Variants in RBL2 observed in about 807,000 individuals in gnomAD.
RBL2 encodes the protein RB transcriptional corepressor like 2.
RBL2 carries 56 observed loss-of-function variants against 126.0 expected under a neutral mutation model. The ratio of observed to expected loss-of-function variants is 0.44; its 90% CI spans 0.36 to 0.56. RBL2 has a LOEUF of 0.56. RBL2 is among the 20% of genes least tolerant of loss of function. RBL2 has a pLI of 0.00. For synonymous variants in RBL2, 454 were observed against 478.5 expected (o/e 0.95, Z 0.67); for missense variants, 1,229 against 1,398.2 (o/e 0.88, Z 1.93).
At chr16:53,477,566 G>A (rs1011129484) in intron 17 of RBL2, among the ~76,000 whole-genome samples, 17 of 152,072 alleles carry the variant, frequency 1.1e-4, no homozygotes, top group South Asian at 2.1e-4. Context: ...GGCTGGTGTC[G>A]AACTCCTGGC....
intron 17 of RBL2, among the ~76,000 whole-genome samples, chr16:53,471,386 T>C (rs2058321789): frequency 6.6e-6 from 1 of 152,210 alleles, no homozygotes; most frequent in Non-Finnish European, 1.5e-5. Flanking sequence ...TTTTAGTTTC[T>C]CCACTATCTC....
rs1961381156 is a variant in RBL2 at position 53,490,596 on chromosome 16, T to C, written c.*296T>C. 2 of 263,552 alleles carry C rather than the reference T, an allele frequency of 7.6e-6. No individual in the cohort carries two copies. Among genetic ancestry groups the C allele is most frequent in the Non-Finnish European group, 1.4e-5 (2 of 140,902 alleles). The allele number at this position is 263,552 out of a possible 1,614,324, so 16.3% of individuals were successfully genotyped here. A position where few individuals can be genotyped will look rare whatever the true frequency, so the allele number is the denominator to read the frequency against. ...TTTTAGAAATACTGCAAGAAAATGATGTGTACCCAAACGTGAGCATAGGAG... is the reference window on the plus strand; with the variant it reads ...TTTTAGAAATACTGCAAGAAAATGACGTGTACCCAAACGTGAGCATAGGAG... On this transcript the variant is annotated 3_prime_UTR_variant, in exon 22 of 22. Transcript: ENST00000262133.
At chr16:53,481,122 GCAC>G in intron 20 of RBL2, 4 of 189,670 alleles carry the variant, frequency 2.1e-5, no homozygotes, top group Non-Finnish European at 4.4e-5. Context: ...TTGTGCCACT[GCAC>G]TCCAGCTTGG....
chr16:53,470,622 A>G lies in RBL2; in HGVS notation c.2485A>G (p.Arg829Gly). ...QGQSVTSSSN[R>G]PRKTSSLSLF... Reference sequence around the variant, plus strand: ...CCAGTCTGTAACCAGCAGTAGTAATAGACCCAGGAAGACCAGCTCTTTATC... The same window carrying G: ...CCAGTCTGTAACCAGCAGTAGTAATGGACCCAGGAAGACCAGCTCTTTATC... Residue 829 changes from arginine (R) to glycine (G), a missense_variant, in exon 16 of 22, where the codon AGA becomes GGA. By Grantham distance (125) the Arg-to-Gly change is moderately radical. Around this residue, in one of 2 missense-constraint regions of RBL2, gnomAD observed 1,070 missense variants for 1,274.3 expected, o/e 0.84. Coordinates refer to ENST00000262133, the MANE Select transcript of RBL2 (RefSeq NM_005611.4). 1.2e-6 allele frequency: 2 copies of G among 1,614,236 alleles called. No individual in the cohort carries two copies. Among genetic ancestry groups the G allele is most frequent in the Non-Finnish European group, 1.7e-6 (2 of 1,180,028 alleles).
Position 53,461,856 on chromosome 16 carries a change from G to A in RBL2, c.1456+6G>A. Reference sequence around the variant, plus strand: ...TTTCAGTAATTGTGCTAAAGGTAAGGTTTAACATTGTTATTCTGCTTTTAT... The same window carrying A: ...TTTCAGTAATTGTGCTAAAGGTAAGATTTAACATTGTTATTCTGCTTTTAT... On this transcript the variant is annotated splice_donor_region_variant and intron_variant, in intron 10 of 21. Transcript: ENST00000262133. 6.3e-7 allele frequency: 1 copy of A among 1,589,280 alleles called. No individual in the cohort carries two copies. The highest frequency in any genetic ancestry group is 8.6e-7 in the Non-Finnish European group (1 of 1,158,188).
At chr16:53,437,270 C>T (rs2057967694) in intron 1 of RBL2, among the ~76,000 whole-genome samples, 1 of 150,956 alleles carries the variant, frequency 6.6e-6, no homozygotes, top group Non-Finnish European at 1.5e-5. Context: ...ATTATGAAAC[C>T]ATCTCCCAGA....
At chr16:53,486,709 G>A (rs1192408682) in intron 21 of RBL2, among the ~76,000 whole-genome samples, 2 of 152,134 alleles carry the variant, frequency 1.3e-5, no homozygotes, top group African/African-American at 4.8e-5. Flanking sequence ...CTGTGATCAA[G>A]AACAAGGCAA....
chr16:53,462,580 G>C lies in RBL2; in HGVS notation c.1485G>C (p.Ala495=), dbSNP rs778617422. 1 of 1,557,788 alleles carries C rather than the reference G, an allele frequency of 6.4e-7. No homozygotes were observed. The change falls in exon 11 of 22, where the codon GCG becomes GCC. Residue 495 remains alanine (A), a synonymous_variant. Coordinates refer to ENST00000262133, the MANE Select transcript of RBL2 (RefSeq NM_005611.4). The part of the protein sequence containing the change: ...KEIASKHFRF[A]EMLYYKVLES... ...TTGCCAGCAAACATTTTCGTTTTGC[G>C]GAGATGCTTTACTATAAAGTATTAG...
intron 1 of RBL2, among the ~76,000 whole-genome samples, chr16:53,435,050 C>T (rs4146344): frequency 0.47 from 71,255 of 151,998 alleles, 17,327 homozygotes; most frequent in Middle Eastern, 0.62. Flanking sequence ...TGAGATCGCG[C>T]TGGGGTCCCG....
intron 17 of RBL2, among the ~76,000 whole-genome samples, chr16:53,473,790 C>T (rs1479489451): frequency 6.6e-6 from 1 of 151,720 alleles, no homozygotes; most frequent in Non-Finnish European, 1.5e-5. Flanking sequence ...CATAGATGCC[C>T]TTTATCAGGT....
intron 11 of RBL2, 135 bp from the exon 12 acceptor site, chr16:53,464,083 AGGTTTTGT>A: frequency 1.8e-6 from 1 of 566,480 alleles, no homozygotes. Flanking sequence ...TAATTAAGAA[AGGTTTTGT>A]AAGAAAATAA....
intron 17 of RBL2, among the ~76,000 whole-genome samples, chr16:53,477,534 C>T (rs892152052): frequency 8.6e-5 from 13 of 151,904 alleles, no homozygotes; most frequent in Admixed American, 7.2e-4. Flanking sequence ...TTTGTAGAGA[C>T]GGGGTTTTGC....
rs756763534 is a variant in RBL2 at position 53,457,258 on chromosome 16, C to CTTTTTTTTTTT, written c.1180-2184_1180-2174dup. Among the ~76,000 whole-genome samples, 97 of 89,930 alleles carry CTTTTTTTTTTT rather than the reference C, an allele frequency of 1.1e-3. 13 individuals are homozygous for CTTTTTTTTTTT. Among genetic ancestry groups the CTTTTTTTTTTT allele is most frequent in the African/African-American group, 5.4e-3 (90 of 16,712 alleles). 59.0% of individuals were successfully genotyped at this position (89,930 alleles called of 152,430 possible). ...GGGTCATCAGGGTGGGTACAGATAG[C>CTTTTTTTTTTT]TTTTTTTTTTTTTTTTTTTGAGATG... On this transcript the variant is annotated intron_variant, in intron 8 of 21. Coordinates refer to ENST00000262133, the MANE Select transcript of RBL2 (RefSeq NM_005611.4).
Position 53,490,222 on chromosome 16 carries a change from A to C in RBL2, c.3342A>C (p.Ala1114=), listed in dbSNP as rs762465095. 1.2e-6 allele frequency: 2 copies of C among 1,612,778 alleles called. No homozygotes were observed. Among genetic ancestry groups the C allele is most frequent in the African/African-American group, 2.7e-5 (2 of 74,904 alleles). ...TGGAAGATGGAAGTGAATCACCTGC[A>C]AAAAGAATTTGCCCAGAAAATCATT... ...ILLEDGSESP[A]KRICPENHSA... The change falls in exon 22 of 22, where the codon GCA becomes GCC. Residue 1114 remains alanine, a synonymous_variant. Transcript: ENST00000262133.
rs777370859 is a variant in RBL2 at position 53,442,608 on chromosome 16, A to G, written c.372-50A>G. 5.9e-6 allele frequency: 8 copies of G among 1,355,218 alleles called. No homozygotes were observed. The South Asian group carries it at 8.7e-5, about 15-fold the overall frequency. The allele number at this position is 1,355,218 out of a possible 1,614,324, so 83.9% of individuals were successfully genotyped here. A position where few individuals can be genotyped will look rare whatever the true frequency, so the allele number is the denominator to read the frequency against. On this transcript the variant is annotated intron_variant, in intron 2 of 21. Transcript: ENST00000262133. ...TACTTTTGAATACTTACTTTTGTAT[A>G]CTTTAGCCTTATGTTAATTATGAAA... is the stretch of plus-strand genomic sequence containing the variant.
chr16:53,462,879 C>T (rs770516378), intron 11 of RBL2, among the ~76,000 whole-genome samples: 10 of 152,178 alleles, frequency 6.6e-5, no homozygotes, highest in Admixed American at 1.3e-4. Flanking sequence ...CTTGCGCTGT[C>T]GCCAAGGCTG....
chr16:53,457,258 C>CCTTTTTTTTTTTTTT lies in RBL2; in HGVS notation c.1180-2193_1180-2192insCTTTTTTTTTTTTTT, dbSNP rs1555566426. Among the ~76,000 whole-genome samples the CCTTTTTTTTTTTTTT allele has an allele frequency of 3.5e-3, 312 of 89,866 alleles. 35 individuals are homozygous for CCTTTTTTTTTTTTTT. Among genetic ancestry groups the CCTTTTTTTTTTTTTT allele is most frequent in the Middle Eastern group, 8.1e-3 (1 of 124 alleles). The allele number at this position is 89,866 out of a possible 152,430, so 59.0% of individuals were successfully genotyped here. A position where few individuals can be genotyped will look rare whatever the true frequency, so the allele number is the denominator to read the frequency against. ...GGGTCATCAGGGTGGGTACAGATAGCTTTTTTTTTTTTTTTTTTTGAGATG... is the reference window on the plus strand; with the variant it reads ...GGGTCATCAGGGTGGGTACAGATAGCCTTTTTTTTTTTTTTTTTTTTTTTTTTTTTTTTTGAGATG... On this transcript the variant is annotated intron_variant, in intron 8 of 21. Coordinates refer to ENST00000262133, the MANE Select transcript of RBL2 (RefSeq NM_005611.4).
chr16:53,447,171 G>T, intron 4 of RBL2, 65 bp downstream of exon 4: 2 of 914,162 alleles, frequency 2.2e-6, no homozygotes, highest in Non-Finnish European at 3.3e-6. Context: ...TATTAATTTT[G>T]TCAACTTCTA....
rs2057933326 is a variant in RBL2, at chr16:53,434,502, G to A, written c.-55G>A. The A allele has an allele frequency of 1.9e-5, 26 of 1,337,394 alleles. No homozygotes were observed. Among genetic ancestry groups the A allele is most frequent in the Admixed American group, 7.6e-5 (2 of 26,196 alleles). The allele number at this position is 1,337,394 out of a possible 1,614,324, so 82.8% of individuals were successfully genotyped here. ...CGGGCGGGCGCTTCGCCGTTTGAAT[G>A]GCTGCGGGCCCGGGCCCTCACCTCA... is the stretch of plus-strand genomic sequence containing the variant. On this transcript the variant is annotated 5_prime_UTR_variant, in exon 1 of 22. An upstream start codon of the reference 5' UTR is lost. Transcript: ENST00000262133.
Sources: gnomAD v4.1 joint callset for allele counts (sites outside exome capture counted in the v4.1 genomes callset) on GRCh38, gnomAD v4.1.1 for gene constraint, gnomAD v4.1.1 regional missense constraint, MANE v1.5 for transcripts, NCBI Gene and HGNC (gene_info 2026-07-23, HGNC 2026-07-21) for gene names.